APP: variants seen among roughly 807,000 people sequenced by gnomAD.
APP encodes the protein amyloid beta precursor protein, also known as amyloid-beta precursor protein.
Under a neutral mutation model 101.4 loss-of-function variants are expected in APP, and 31 were observed. That is an observed-to-expected ratio of 0.31 (90% CI 0.23 to 0.41). APP has a LOEUF of 0.41. APP is among the 10% of genes least tolerant of loss of function. The pLI, the probability that APP is intolerant of heterozygous loss-of-function variation, is 1.00. For synonymous variants in APP, 366 were observed against 364.4 expected (o/e 1.00, Z -0.05); for missense variants, 839 against 1,003.7 (o/e 0.84, Z 2.22).
chr21:26,063,245 A>AT (rs1343706133), intron 3 of APP, among the ~76,000 whole-genome samples: 2 of 152,244 alleles, frequency 1.3e-5, no homozygotes, highest in Non-Finnish European at 2.9e-5. Context: ...TAGACTAGAT[A>AT]TTATAGCTTA....
chr21:26,048,584 A>G (rs2045708524), intron 5 of APP, among the ~76,000 whole-genome samples: 1 of 152,160 alleles, frequency 6.6e-6, no homozygotes, highest in South Asian at 2.1e-4. Flanking sequence ...TAAAATATAC[A>G]ATTTACTTTG....
At chr21:26,093,904 A>G (rs992077725) in intron 2 of APP, among the ~76,000 whole-genome samples, 1 of 152,168 alleles carries the variant, frequency 6.6e-6, no homozygotes, top group African/African-American at 2.4e-5. Flanking sequence ...TCACGAGGTC[A>G]AGAGATCAAG....
At chr21:25,940,772 T>A (rs1338499602) in intron 13 of APP, among the ~76,000 whole-genome samples, 2 of 152,226 alleles carry the variant, frequency 1.3e-5, no homozygotes, top group African/African-American at 4.8e-5. Flanking sequence ...TTTTAATGAG[T>A]TGATTAGTCT....
At chr21:25,973,478 G>T (rs1373092480) in intron 11 of APP, among the ~76,000 whole-genome samples, 3 of 152,114 alleles carry the variant, frequency 2.0e-5, no homozygotes, top group African/African-American at 7.2e-5. Context: ...AGGATAAAAA[G>T]ATCATTTCAT....
At chr21:25,899,354 T>C (rs2038285956) in intron 15 of APP, among the ~76,000 whole-genome samples, 1 of 152,188 alleles carries the variant, frequency 6.6e-6, no homozygotes, top group Non-Finnish European at 1.5e-5. Flanking sequence ...GAGGGAGAAC[T>C]TGATTCCCTT....
At chr21:25,969,542 A>C (rs1221809081) in intron 11 of APP, among the ~76,000 whole-genome samples, 2 of 152,034 alleles carry the variant, frequency 1.3e-5, no homozygotes, top group Admixed American at 6.5e-5. Context: ...ATTTTATTAC[A>C]AAGGAAAGAT....
chr21:25,970,407 C>CT (rs2041986750), intron 11 of APP, among the ~76,000 whole-genome samples: 1 of 152,142 alleles, frequency 6.6e-6, no homozygotes, highest in African/African-American at 2.4e-5. Flanking sequence ...AGAGATTGGA[C>CT]TTTCAGCTGG....
intron 8 of APP, among the ~76,000 whole-genome samples, chr21:25,993,532 T>C (rs904411279): frequency 6.6e-6 from 1 of 152,216 alleles, no homozygotes. Flanking sequence ...TTCAATACTA[T>C]AGTCAGGACA....
intron 3 of APP, among the ~76,000 whole-genome samples, chr21:26,086,520 C>T (rs190940070): frequency 1.1e-4 from 17 of 150,932 alleles, no homozygotes; most frequent in East Asian, 5.9e-4. Context: ...AATTTTAACA[C>T]GCTTAATGTT....
At chr21:26,028,571 A>AT (rs767572288) in intron 5 of APP, among the ~76,000 whole-genome samples, 2 of 152,022 alleles carry the variant, frequency 1.3e-5, no homozygotes, top group East Asian at 1.9e-4. Flanking sequence ...GGATTCAGGT[A>AT]TTTTTTTTCT....
At chr21:26,063,338 C>G (rs1225580765) in intron 3 of APP, among the ~76,000 whole-genome samples, 1 of 152,168 alleles carries the variant, frequency 6.6e-6, no homozygotes. Flanking sequence ...CATTGCCTTG[C>G]TCTATCAACT....
At chr21:26,135,058 C>T (rs2062867236) in intron 1 of APP, among the ~76,000 whole-genome samples, 1 of 152,142 alleles carries the variant, frequency 6.6e-6, no homozygotes, top group African/African-American at 2.4e-5. Flanking sequence ...ACAATAGTGC[C>T]CATCTCTTCA....
intron 3 of APP, among the ~76,000 whole-genome samples, chr21:26,066,896 T>C (rs1253309129): frequency 6.6e-6 from 1 of 152,156 alleles, no homozygotes; most frequent in African/African-American, 2.4e-5. Flanking sequence ...GATAAATGCC[T>C]CCTGGCCAGA....
intron 6 of APP, among the ~76,000 whole-genome samples, chr21:26,017,198 CAAAAA>C (rs35206910): frequency 1.8e-5 from 1 of 56,364 alleles, no homozygotes; most frequent in Non-Finnish European, 3.1e-5. Context: ...GACTGTATCT[CAAAAA>C]AAAAAAAAAA....
intron 3 of APP, among the ~76,000 whole-genome samples, chr21:26,087,854 G>A (rs909503214): frequency 6.6e-6 from 1 of 152,186 alleles, no homozygotes; most frequent in Non-Finnish European, 1.5e-5. Context: ...GCATAATGCA[G>A]TGTAGCACAA....
At chr21:26,084,576 T>G (rs1259280843) in intron 3 of APP, among the ~76,000 whole-genome samples, 1 of 152,106 alleles carries the variant, frequency 6.6e-6, no homozygotes, top group Non-Finnish European at 1.5e-5. Flanking sequence ...CTTAATCAAA[T>G]GGAAGAGGGC....
At chr21:26,170,507 G>T in intron 1 of APP, 57 bp downstream of exon 1, 1 of 1,513,744 alleles carries the variant, frequency 6.6e-7, no homozygotes, top group African/African-American at 1.4e-5. Flanking sequence ...AAGGTCTTGG[G>T]GGGTATCGCG....
At chr21:25,895,870 ATACTG>A (rs2038009748) in intron 16 of APP, among the ~76,000 whole-genome samples, 1 of 152,346 alleles carries the variant, frequency 6.6e-6, no homozygotes, top group African/African-American at 2.4e-5. Context: ...CTTTAAGAAA[ATACTG>A]TAATTTTGTA....
At chr21:26,046,072 C>G (rs931226526) in intron 5 of APP, among the ~76,000 whole-genome samples, 1 of 151,994 alleles carries the variant, frequency 6.6e-6, no homozygotes, top group Non-Finnish European at 1.5e-5. Flanking sequence ...TTCACAGGAA[C>G]AGCATGGGAA....
Sources: gnomAD v4.1 joint callset for allele counts (sites outside exome capture counted in the v4.1 genomes callset) on GRCh38, gnomAD v4.1.1 for gene constraint, MANE v1.5 for transcripts, NCBI Gene and HGNC (gene_info 2026-07-23, HGNC 2026-07-21) for gene names.